The following MSRA variants were observed in gnomAD, a reference collection of about 807,000 sequenced individuals.
The protein encoded by MSRA is mitochondrial peptide methionine sulfoxide reductase.
A neutral mutation model predicts 31.3 loss-of-function variants in MSRA; 54 were observed. The ratio of observed to expected loss-of-function variants is 1.73; its 90% CI spans 1.39 to 2.17. The LOEUF (loss-of-function observed/expected upper bound fraction) is 2.17, where lower values mean the gene tolerates loss of function less well. Ranked by LOEUF, MSRA falls within the 30% of genes most tolerant of loss-of-function variation. The pLI, the probability that MSRA is intolerant of heterozygous loss-of-function variation, is 0.00. For synonymous variants in MSRA, 169 were observed against 116.5 expected, an observed-to-expected ratio of 1.45 and a Z score of -2.90; for missense variants, 507 against 300.9, an observed-to-expected ratio of 1.69 and a Z score of -5.07.
chr8:10,192,805 A>G (rs1461530573), intron 1 of MSRA, among the ~76,000 whole-genome samples: 2 of 151,882 alleles, frequency 1.3e-5, no homozygotes, highest in East Asian at 3.9e-4. Flanking sequence ...TATATATGAG[A>G]CTCATTATGG....
chr8:10,225,382 C>A (rs1243345745), intron 2 of MSRA, among the ~76,000 whole-genome samples: 1 of 152,202 alleles, frequency 6.6e-6, no homozygotes, highest in African/African-American at 2.4e-5. Flanking sequence ...CCCATCTCTG[C>A]CTGTGCTCTA....
intron 3 of MSRA, among the ~76,000 whole-genome samples, chr8:10,260,243 T>A (rs1798403342): frequency 6.6e-6 from 1 of 152,182 alleles, no homozygotes; most frequent in East Asian, 1.9e-4. Context: ...AAAGCTCCAC[T>A]TCTGGTTGAG....
intron 1 of MSRA, among the ~76,000 whole-genome samples, chr8:10,172,888 A>G (rs1034362187): frequency 6.6e-6 from 1 of 152,216 alleles, no homozygotes; most frequent in African/African-American, 2.4e-5. Flanking sequence ...AGTGAGTCTT[A>G]AAGAGGTTAT....
At chr8:10,272,039 G>A (rs1342516795) in intron 3 of MSRA, among the ~76,000 whole-genome samples, 1 of 152,080 alleles carries the variant, frequency 6.6e-6, no homozygotes, top group Admixed American at 6.5e-5. Flanking sequence ...CTCCAATTTA[G>A]CCCCTTTCTT....
At chr8:10,220,400 C>T (rs1027198214) in intron 2 of MSRA, among the ~76,000 whole-genome samples, 21 of 152,174 alleles carry the variant, frequency 1.4e-4, no homozygotes, top group African/African-American at 4.6e-4. Flanking sequence ...TCATGGTAGA[C>T]ATTACCATGA....
chr8:10,139,177 T>C (rs953710605), intron 1 of MSRA, among the ~76,000 whole-genome samples: 4 of 152,204 alleles, frequency 2.6e-5, no homozygotes, highest in African/African-American at 7.2e-5. Context: ...ACTGTTGATA[T>C]TTCATCAGAA....
intron 5 of MSRA, among the ~76,000 whole-genome samples, chr8:10,421,133 G>T (rs1055878207): frequency 6.6e-6 from 1 of 152,140 alleles, no homozygotes; most frequent in Non-Finnish European, 1.5e-5. Context: ...GCTCCTTTGG[G>T]TATTTTATAA....
At chr8:10,156,072 C>T (rs550299216) in intron 1 of MSRA, among the ~76,000 whole-genome samples, 2 of 152,098 alleles carry the variant, frequency 1.3e-5, no homozygotes, top group Admixed American at 6.5e-5. Flanking sequence ...ACCTGAAGCC[C>T]CTGGGAAGAG....
intron 3 of MSRA, among the ~76,000 whole-genome samples, chr8:10,246,752 A>T (rs1033918826): frequency 2.6e-5 from 4 of 152,246 alleles, no homozygotes; most frequent in African/African-American, 9.6e-5. Context: ...CTTGCTCTAG[A>T]GAAGGATTGA....
At chr8:10,399,549 C>T (rs1240537386) in intron 5 of MSRA, among the ~76,000 whole-genome samples, 3 of 152,186 alleles carry the variant, frequency 2.0e-5, no homozygotes, top group African/African-American at 7.2e-5. Flanking sequence ...AAGTAAAAAC[C>T]CCCTGAGGCC....
chr8:10,403,689 A>C (rs964075525), intron 5 of MSRA, among the ~76,000 whole-genome samples: 1 of 152,208 alleles, frequency 6.6e-6, no homozygotes, highest in Non-Finnish European at 1.5e-5. Flanking sequence ...TGTGGGCTCT[A>C]CTGAGGCCTT....
intron 5 of MSRA, among the ~76,000 whole-genome samples, chr8:10,347,302 G>A (rs542098536): frequency 1.3e-5 from 2 of 152,040 alleles, no homozygotes; most frequent in Non-Finnish European, 2.9e-5. Flanking sequence ...CCACTCCCTG[G>A]TCTGCATTTC....
intron 1 of MSRA, chr8:10,058,863 C>T (rs572702256): frequency 6.6e-5 from 10 of 152,030 alleles, no homozygotes; most frequent in Non-Finnish European, 1.0e-4. Flanking sequence ...GTGATCTAGT[C>T]GTTGATTTAT....
chr8:10,303,762 A>T (rs1244772745), intron 4 of MSRA, among the ~76,000 whole-genome samples: 1 of 152,160 alleles, frequency 6.6e-6, no homozygotes, highest in African/African-American at 2.4e-5. Flanking sequence ...GGGTAGGGCG[A>T]GAGATCCTCC....
At chr8:10,066,505 A>G (rs1465476591) in intron 1 of MSRA, among the ~76,000 whole-genome samples, 2 of 152,162 alleles carry the variant, frequency 1.3e-5, no homozygotes, top group African/African-American at 4.8e-5. Context: ...TTAATAGTAC[A>G]TCATAATATC....
At chr8:10,384,359 C>T (rs995293757) in intron 5 of MSRA, among the ~76,000 whole-genome samples, 1 of 152,200 alleles carries the variant, frequency 6.6e-6, no homozygotes, top group East Asian at 1.9e-4. Context: ...GAGCTCCTGC[C>T]TTTGGAGCAG....
In MSRA at chr8:10,159,039, C is replaced by T. The variant is rs576291197; in HGVS notation, c.143-48794C>T. Among the ~76,000 whole-genome samples, 9 of 152,224 alleles carry T rather than the reference C, an allele frequency of 5.9e-5. 1 individual carries two copies. The South Asian group carries it at 1.7e-3, about 28-fold the overall frequency. On this transcript the variant is annotated intron_variant, in intron 1 of 5. Coordinates refer to ENST00000317173, the MANE Select transcript of MSRA (RefSeq NM_012331.5). Reference sequence around the variant, plus strand: ...TAGATTTTAGGAAGATCACTGTCACCGTATCAAAGAGGATGGATGAGAGAG... The same window carrying T: ...TAGATTTTAGGAAGATCACTGTCACTGTATCAAAGAGGATGGATGAGAGAG...
At chr8:10,352,160 C>T (rs1030010517) in intron 5 of MSRA, among the ~76,000 whole-genome samples, 4 of 152,138 alleles carry the variant, frequency 2.6e-5, no homozygotes, top group Admixed American at 6.5e-5. Context: ...CAGGGGAACA[C>T]GTCGTGAACA....
At chr8:10,291,709 G>A (rs975926835) in intron 3 of MSRA, among the ~76,000 whole-genome samples, 13 of 152,048 alleles carry the variant, frequency 8.5e-5, no homozygotes, top group African/African-American at 3.1e-4. Flanking sequence ...ATCATTCTGT[G>A]TGCTCTTTGA....
Sources: gnomAD v4.1 joint callset for allele counts (sites outside exome capture counted in the v4.1 genomes callset) on GRCh38, gnomAD v4.1.1 for gene constraint, MANE v1.5 for transcripts, NCBI Gene and HGNC (gene_info 2026-07-23, HGNC 2026-07-21) for gene names.